The following TRAPPC11 variants were observed in gnomAD, a reference collection of about 807,000 sequenced individuals.
TRAPPC11 encodes the protein foie gras homolog.
TRAPPC11 carries 104 observed loss-of-function variants against 151.2 expected under a neutral mutation model. The ratio of observed to expected loss-of-function variants is 0.69; its 90% confidence interval spans 0.59 to 0.81. TRAPPC11 has a LOEUF of 0.81. TRAPPC11 is among the 30% of genes least tolerant of loss of function. TRAPPC11 has a pLI of 0.00. For missense variants in TRAPPC11, 1,230 were observed against 1,349.6 expected, an observed-to-expected ratio of 0.91 and a Z score of 1.39; for synonymous variants, 456 against 472.3, an observed-to-expected ratio of 0.97 and a Z score of 0.45.
chr4:183,660,123 C>T (rs944989771), intron 1 of TRAPPC11, among the ~76,000 whole-genome samples: 1 of 152,184 alleles, frequency 6.6e-6, no homozygotes, highest in Non-Finnish European at 1.5e-5. Flanking sequence ...GAAATCCATT[C>T]GATCTGCGCC....
Position 183,697,794 on chromosome 4 carries a change from C to T in TRAPPC11, c.2810C>T (p.Ser937Phe). The change falls in exon 25 of 30, where the codon TCC (serine) becomes TTC (phenylalanine). Residue 937 changes from serine (S) to phenylalanine (F), a missense_variant. By Grantham distance (155) the Ser-to-Phe change is radical. Coordinates refer to ENST00000334690, the MANE Select transcript of TRAPPC11 (RefSeq NM_021942.6). ...IVSSELQLAP[S>F]MTTVDQLESQ... ...TCCAGTGAGCTCCAGCTTGCTCCAT[C>T]CATGACCACAGTGGACCAGCTCGAG... 1 of 1,614,026 alleles carries T rather than the reference C, an allele frequency of 6.2e-7. No homozygotes were observed. Among genetic ancestry groups the T allele is most frequent in the Non-Finnish European group, 8.5e-7 (1 of 1,180,030 alleles).
intron 7 of TRAPPC11, among the ~76,000 whole-genome samples, chr4:183,675,952 C>T (rs1487109507): frequency 6.6e-6 from 1 of 151,844 alleles, no homozygotes; most frequent in Non-Finnish European, 1.5e-5. Context: ...TTTTTGAAGA[C>T]AAAGGTATTA....
At chr4:183,668,174 G>C (rs1734976018) in intron 5 of TRAPPC11, 57 bp downstream of exon 5, 2 of 1,015,102 alleles carry the variant, frequency 2.0e-6, no homozygotes, top group Non-Finnish European at 3.0e-6. Context: ...TTGAGAAATT[G>C]GTAGCTTAGA....
chr4:183,692,815 A>G, intron 19 of TRAPPC11, 145 bp from the exon 20 acceptor site: 1 of 632,566 alleles, frequency 1.6e-6, no homozygotes, highest in Non-Finnish European at 2.6e-6. Context: ...AAGACCTCTA[A>G]TAGCAGGTGT....
Position 183,670,151 on chromosome 4 carries a change from G to A in TRAPPC11, c.560+2034G>A, listed in dbSNP as rs556428895. Among the ~76,000 whole-genome samples the A allele has an allele frequency of 2.6e-5, 4 of 152,324 alleles. No homozygotes were observed. The East Asian group carries it at 5.8e-4, about 22-fold the overall frequency. ...CTGGGAGGGAAGTAGTGGAGCTACT[G>A]ATGGCACACTTACTCCTGTGCTTTC... is the stretch of plus-strand genomic sequence containing the variant. On this transcript the variant is annotated intron_variant, in intron 5 of 29. Coordinates refer to ENST00000334690, the MANE Select transcript of TRAPPC11 (RefSeq NM_021942.6).
chr4:183,669,728 C>T (rs958984182), intron 5 of TRAPPC11, among the ~76,000 whole-genome samples: 4 of 152,178 alleles, frequency 2.6e-5, no homozygotes, highest in African/African-American at 9.7e-5. Context: ...CTACAGCGTA[C>T]AGGACAGCCC....
rs759371125 is a variant in TRAPPC11 at position 183,684,145 on chromosome 4, G to A, written c.1288G>A (p.Glu430Lys). The A allele has an allele frequency of 2.5e-6, 4 of 1,612,962 alleles. No homozygotes were observed. The highest frequency in any genetic ancestry group is 1.7e-6 in the Non-Finnish European group (2 of 1,179,198). ...QLKERNVVHSEIIITLLSNAV... is the reference protein window; with the variant it reads ...QLKERNVVHSKIIITLLSNAV... Reference sequence around the variant, plus strand: ...TTTCACACTCTACTTTTTCTAATAGGAGATAATCATAACTCTTCTGAGCAA... The same window carrying A: ...TTTCACACTCTACTTTTTCTAATAGAAGATAATCATAACTCTTCTGAGCAA... The change falls in exon 13 of 30, where the codon GAG becomes AAG. Residue 430 changes from glutamate to lysine, a missense_variant and splice_region_variant. Coordinates refer to ENST00000334690, the MANE Select transcript of TRAPPC11 (RefSeq NM_021942.6).
At position 183,680,200 on chromosome 4, in the gene TRAPPC11, A is replaced by C; in HGVS notation, c.1046A>C (p.Tyr349Ser). 6.2e-7 allele frequency: 1 copy of C among 1,614,064 alleles called. No individual in the cohort carries two copies. Among genetic ancestry groups the C allele is most frequent in the Non-Finnish European group, 8.5e-7 (1 of 1,179,984 alleles). ...ATTCAAACTCAGAATCCTGGTTTCT[A>C]TTACCAGCAGGCAGCATACTATGCC... ...TAIQTQNPGF[Y>S]YQQAAYYAQE... Residue 349 changes from tyrosine (Y) to serine (S), a missense_variant, in exon 10 of 30, where the codon TAT becomes TCT. Tyr to Ser is a moderately radical substitution (Grantham distance 144). Transcript: ENST00000334690.
rs779028056 is a variant in TRAPPC11, at chr4:183,684,041, ATGT to A, written c.1279_1281del (p.Val427del). Reference sequence around the variant, plus strand: ...CTTGCCATTCAGCTGAAGGAGAGAAATGTTGTTCACTCTGTAAGTTTTGTGTCC... The same window carrying A: ...CTTGCCATTCAGCTGAAGGAGAGAAATGTTCACTCTGTAAGTTTTGTGTCC... On this transcript the variant is annotated inframe_deletion, in exon 12 of 30. Coordinates refer to ENST00000334690, the MANE Select transcript of TRAPPC11 (RefSeq NM_021942.6). 4.3e-6 allele frequency: 7 copies of A among 1,613,928 alleles called. No individual in the cohort carries two copies. The highest frequency in any genetic ancestry group is 1.3e-5 in the African/African-American group (1 of 75,042).
chr4:183,705,868 G>T (rs1265189652), intron 27 of TRAPPC11: 1 of 152,108 alleles, frequency 6.6e-6, no homozygotes, highest in African/African-American at 2.4e-5. Context: ...TTTATCAAGA[G>T]AAACTTCCCT....
rs74624253 is a variant in TRAPPC11 at position 183,666,043 on chromosome 4, T to C, written c.205-214T>C. Among the ~76,000 whole-genome samples the C allele has an allele frequency of 0.018, 2,738 of 152,038 alleles. 89 individuals carry two copies. Among genetic ancestry groups the C allele is most frequent in the African/African-American group, 0.063 (2,594 of 41,436 alleles). On this transcript the variant is annotated intron_variant, in intron 2 of 29. Coordinates refer to ENST00000334690, the MANE Select transcript of TRAPPC11 (RefSeq NM_021942.6). ...GCTGATAGAAACTCTTTGGCTTCAG[T>C]CATTCTTTAAATGGGAAGTATAGCT...
intron 8 of TRAPPC11, among the ~76,000 whole-genome samples, chr4:183,678,612 T>G (rs1735529249): frequency 6.6e-6 from 1 of 152,224 alleles, no homozygotes; most frequent in South Asian, 2.1e-4. Flanking sequence ...ATGTTGTTAT[T>G]TGTATAAAAA....
intron 13 of TRAPPC11, 26 bp downstream of exon 13, chr4:183,684,249 G>T: frequency 1.2e-6 from 2 of 1,612,784 alleles, no homozygotes; most frequent in Non-Finnish European, 1.7e-6. Flanking sequence ...CGTCACCATT[G>T]CATGCAACTT....
intron 23 of TRAPPC11, 113 bp downstream of exon 23, chr4:183,694,836 CTG>C (rs1736451566): frequency 9.3e-7 from 1 of 1,075,474 alleles, no homozygotes; most frequent in Admixed American, 3.1e-5. Flanking sequence ...TGCTTATAGT[CTG>C]TTATAAATTT....
intron 1 of TRAPPC11, among the ~76,000 whole-genome samples, chr4:183,661,028 A>AT (rs1195272807): frequency 6.6e-6 from 1 of 151,652 alleles, no homozygotes; most frequent in African/African-American, 2.4e-5. Flanking sequence ...CCCCTTTTTA[A>AT]TTTTCATTCC....
At chr4:183,688,267 A>T (rs901672245) in intron 18 of TRAPPC11, among the ~76,000 whole-genome samples, 1 of 152,184 alleles carries the variant, frequency 6.6e-6, no homozygotes, top group Non-Finnish European at 1.5e-5. Context: ...CATGCCAGAA[A>T]AAAGGGAGGG....
Position 183,677,534 on chromosome 4 carries a change from G to A in TRAPPC11, c.811G>A (p.Ala271Thr), listed in dbSNP as rs748530748. The A allele has an allele frequency of 2.5e-6, 4 of 1,590,706 alleles. No homozygotes were observed. Among genetic ancestry groups the A allele is most frequent in the Non-Finnish European group, 3.5e-6 (4 of 1,159,234 alleles). Residue 271 changes from alanine to threonine, a missense_variant, in exon 8 of 30, where the codon GCA becomes ACA. Physicochemically the swap from Ala to Thr is moderately conservative, Grantham distance 58. Coordinates refer to ENST00000334690, the MANE Select transcript of TRAPPC11 (RefSeq NM_021942.6). The stretch of plus-strand genomic sequence containing the variant: ...TAATATTCTGGAAATTAAGACTATG[G>A]CAGGATTTATAAACTACAAGGTAAT... ...ETNILEIKTM[A>T]GFINYKICRL...
chr4:183,690,919 G>T (rs1174295471), intron 18 of TRAPPC11, among the ~76,000 whole-genome samples: 2 of 152,152 alleles, frequency 1.3e-5, no homozygotes, highest in African/African-American at 4.8e-5. Flanking sequence ...AGTGAGCCGA[G>T]ATCATGCCAC....
Position 183,694,823 on chromosome 4 carries a change from A to C in TRAPPC11, c.2628+100A>C. The C allele has an allele frequency of 3.4e-6, 4 of 1,188,018 alleles. No individual in the cohort carries two copies. The South Asian group carries it at 5.7e-5, about 17-fold the overall frequency. The allele number at this position is 1,188,018 out of a possible 1,614,324, so 73.6% of individuals were successfully genotyped here. ...AAAATAAGCATAAAATAAGCAGTTTAGGTGCTTATAGTCTGTTATAAATTT... is the reference window on the plus strand; with the variant it reads ...AAAATAAGCATAAAATAAGCAGTTTCGGTGCTTATAGTCTGTTATAAATTT... On this transcript the variant is annotated intron_variant, in intron 23 of 29. Coordinates refer to ENST00000334690, the MANE Select transcript of TRAPPC11 (RefSeq NM_021942.6).
Sources: gnomAD v4.1 joint callset for allele counts (sites outside exome capture counted in the v4.1 genomes callset) on GRCh38, gnomAD v4.1.1 for gene constraint, MANE v1.5 for transcripts, NCBI Gene and HGNC (gene_info 2026-07-23, HGNC 2026-07-21) for gene names.